ZFHX3: variants seen among roughly 807,000 people sequenced by gnomAD.
The protein encoded by ZFHX3 is zinc finger homeobox 3, also known as zinc finger homeobox protein 3.
Under a neutral mutation model 279.1 loss-of-function variants are expected in ZFHX3, and 42 were observed. The observed-to-expected ratio is 0.15, with a 90% CI of 0.12 to 0.19. The LOEUF is 0.19. Ranked by LOEUF, ZFHX3 falls within the 10% of genes least tolerant of loss-of-function variation. ZFHX3 has a pLI of 1.00. For synonymous variants in ZFHX3, 2,293 were observed against 1,957.8 expected, an observed-to-expected ratio of 1.17 and a Z score of -4.52; for missense variants, 4,981 against 4,754.0, an observed-to-expected ratio of 1.05 and a Z score of -1.40.
chr16:72,887,113 A>G (rs2038646064), intron 4 of ZFHX3, among the ~76,000 whole-genome samples: 1 of 152,206 alleles, frequency 6.6e-6, no homozygotes, highest in Non-Finnish European at 1.5e-5. Context: ...ATTGTGGTCT[A>G]TCCCATCATT....
intron 1 of ZFHX3, among the ~76,000 whole-genome samples, chr16:73,681,225 G>C (rs1446350542): frequency 3.9e-5 from 6 of 152,308 alleles, no homozygotes; most frequent in African/African-American, 1.4e-4. Flanking sequence ...CAACATGGGA[G>C]AGAAAGGCAT....
In ZFHX3 at chr16:72,794,492, G is replaced by A. The variant is rs943920728; in HGVS notation, c.8190C>T (p.Ile2730=). 3.7e-6 allele frequency: 6 copies of A among 1,614,094 alleles called. No individual in the cohort carries two copies. In the Admixed American group the frequency reaches 5.0e-5, roughly 13 times the overall value. Residue 2730 remains isoleucine, a synonymous_variant, in exon 9 of 10, where the codon ATC becomes ATT. Coordinates refer to ENST00000268489, the MANE Select transcript of ZFHX3 (RefSeq NM_006885.4). This position sits in a 1 kb window ranked among gnomAD's most constrained non-coding sequence, Gnocchi z 4.2. ...TGGCTTCATGCCAGTGACGGGACCG[G>A]ATATGAGCCTCAAGAGCAGTCTTGG... ...FKAKTALEAH[I]RSRHWHEAKR...
intron 4 of ZFHX3, among the ~76,000 whole-genome samples, chr16:73,313,405 G>A (rs4439791): frequency 0.78 from 118,035 of 151,716 alleles, 46,426 homozygotes; most frequent in African/African-American, 0.87. Flanking sequence ...AACCACAGCT[G>A]TAAACGCTCG....
intron 8 of ZFHX3, among the ~76,000 whole-genome samples, chr16:73,069,705 T>C (rs867421896): frequency 6.6e-6 from 1 of 152,222 alleles, no homozygotes. Context: ...TACCTAAGAC[T>C]GTCCCACATT....
intron 1 of ZFHX3, among the ~76,000 whole-genome samples, chr16:73,801,227 T>C (rs1259083354): frequency 1.3e-5 from 2 of 152,194 alleles, no homozygotes; most frequent in Non-Finnish European, 1.5e-5. Flanking sequence ...AAACAAAACC[T>C]TAGTTACTGA....
rs556924271 is a variant in ZFHX3, at chr16:73,536,936, A to T, written c.-1546-80678T>A. On this transcript the variant is annotated intron_variant, in intron 2 of 17. Coordinates refer to the ZFHX3 transcript ENST00000641206. ...GGTTAATTCAATGACATTCTTTATTAAAAAAAAAGAAAGAAAGAAACTCAC... is the reference window on the plus strand; with the variant it reads ...GGTTAATTCAATGACATTCTTTATTTAAAAAAAAGAAAGAAAGAAACTCAC... Among the ~76,000 whole-genome samples, 371 of 150,498 alleles carry T rather than the reference A, an allele frequency of 2.5e-3. 1 individual carries two copies. Among genetic ancestry groups the T allele is most frequent in the East Asian group, 7.6e-3 (39 of 5,164 alleles).
In ZFHX3 at chr16:72,851,033, T is replaced by C. The variant is rs540376825; in HGVS notation, c.3449-21174A>G. On this transcript the variant is annotated intron_variant, in intron 4 of 9. Transcript: ENST00000268489. ...ACATAATTCTCAGCGTCTGAAAGCATGGCTCGGGGTTTCTAGGATAAACAG... is the reference window on the plus strand; with the variant it reads ...ACATAATTCTCAGCGTCTGAAAGCACGGCTCGGGGTTTCTAGGATAAACAG... Among the ~76,000 whole-genome samples, 9 of 152,262 alleles carry C rather than the reference T, an allele frequency of 5.9e-5. No homozygotes were observed. The South Asian group carries it at 1.9e-3, about 32-fold the overall frequency.
intron 1 of ZFHX3, among the ~76,000 whole-genome samples, chr16:73,846,535 G>A (rs1368476730): frequency 6.6e-6 from 1 of 152,162 alleles, no homozygotes; most frequent in African/African-American, 2.4e-5. Context: ...GAAATTGAGA[G>A]GCTTTGCGAG....
chr16:73,719,054 G>A (rs1319361797), intron 1 of ZFHX3, among the ~76,000 whole-genome samples: 2 of 152,192 alleles, frequency 1.3e-5, no homozygotes, highest in Non-Finnish European at 2.9e-5. Context: ...GATGTCACAT[G>A]TTCAGCTACA....
intron 3 of ZFHX3, among the ~76,000 whole-genome samples, chr16:73,324,396 C>T (rs964647044): frequency 3.3e-5 from 5 of 152,186 alleles, no homozygotes; most frequent in African/African-American, 1.2e-4. Context: ...TACCCATTCT[C>T]CTCTACTTCT....
intron 2 of ZFHX3, among the ~76,000 whole-genome samples, chr16:73,665,036 G>A (rs2052820811): frequency 6.6e-6 from 1 of 152,148 alleles, no homozygotes. Context: ...CTTGTCTGCT[G>A]AAGAGTGCAG....
At chr16:72,929,661 C>T (rs536686601) in intron 3 of ZFHX3, among the ~76,000 whole-genome samples, 8 of 152,186 alleles carry the variant, frequency 5.3e-5, no homozygotes, top group African/African-American at 1.4e-4. Context: ...ACGCGGGCTG[C>T]GACAGGGCCC....
intron 8 of ZFHX3, among the ~76,000 whole-genome samples, chr16:73,084,353 A>G (rs1380379201): frequency 2.0e-5 from 3 of 152,142 alleles, no homozygotes; most frequent in Non-Finnish European, 4.4e-5. Flanking sequence ...ACACCACCAA[A>G]ATAACCTGTT....
intron 9 of ZFHX3, 37 bp from the exon 10 acceptor site, chr16:72,788,885 G>C (rs772336490): frequency 3.3e-6 from 5 of 1,513,326 alleles, no homozygotes; most frequent in Non-Finnish European, 2.6e-6. Context: ...CGGTCAGTCT[G>C]GGCAGGGGTA....
intron 3 of ZFHX3, among the ~76,000 whole-genome samples, chr16:73,371,414 T>C (rs916388477): frequency 6.6e-6 from 1 of 151,882 alleles, no homozygotes; most frequent in African/African-American, 2.4e-5. Flanking sequence ...AGACAGAGTC[T>C]CGCCCTATTG....
At chr16:73,147,691 CAAAAAAAAAAAA>C (rs56079754) in intron 5 of ZFHX3, among the ~76,000 whole-genome samples, 6 of 40,896 alleles carry the variant, frequency 1.5e-4, no homozygotes, top group African/African-American at 5.4e-4. Flanking sequence ...GACTCCGTCT[CAAAAAAAAAAAA>C]AAAAAAAAAA....
chr16:73,785,295 G>T (rs373796313), intron 1 of ZFHX3, among the ~76,000 whole-genome samples: 1 of 152,026 alleles, frequency 6.6e-6, no homozygotes, highest in Non-Finnish European at 1.5e-5. Flanking sequence ...TTGCTTTTCT[G>T]TCTGCTCTGT....
In ZFHX3 at chr16:72,965,603, C is replaced by T. The variant is rs549292690; in HGVS notation, c.-49-5409G>A. Among the ~76,000 whole-genome samples the T allele has an allele frequency of 8.5e-5, 13 of 152,216 alleles. No individual in the cohort carries two copies. In the South Asian group the frequency reaches 1.2e-3, roughly 15 times the overall value. Reference sequence around the variant, plus strand: ...CTACAGAATCCATGCTAAAAGGTCTCGGCTTACATTCTTGTAGAGAAGAGA... The same window carrying T: ...CTACAGAATCCATGCTAAAAGGTCTTGGCTTACATTCTTGTAGAGAAGAGA... On this transcript the variant is annotated intron_variant, in intron 1 of 9. Coordinates refer to ENST00000268489, the MANE Select transcript of ZFHX3 (RefSeq NM_006885.4).
At chr16:72,931,974 G>A (rs141188109) in intron 3 of ZFHX3, among the ~76,000 whole-genome samples, 23 of 152,244 alleles carry the variant, frequency 1.5e-4, no homozygotes, top group African/African-American at 5.3e-4. Flanking sequence ...ATATATTCTC[G>A]TTTTTCCATC....
Sources: gnomAD v4.1 joint callset for allele counts (sites outside exome capture counted in the v4.1 genomes callset) on GRCh38, gnomAD v4.1.1 for gene constraint, Gnocchi (gnomAD v3.1) non-coding constraint, MANE v1.5 for transcripts, NCBI Gene and HGNC (gene_info 2026-07-23, HGNC 2026-07-21) for gene names.